The following ITGA4 variants were observed in gnomAD, a reference collection of about 807,000 sequenced individuals.
ITGA4 encodes the protein integrin subunit alpha 4.
ITGA4 carries 63 observed loss-of-function variants against 133.6 expected under a neutral mutation model. The ratio of observed to expected loss-of-function variants is 0.47; its 90% CI spans 0.38 to 0.58. The LOEUF (loss-of-function observed/expected upper bound fraction) is 0.58, where lower values mean the gene tolerates loss of function less well. Among genes scored for constraint, ITGA4 ranks in the 20% least tolerant of loss-of-function variants. The pLI is 0.00. For missense variants in ITGA4, 1,076 were observed against 1,252.7 expected, an observed-to-expected ratio of 0.86 and a Z score of 2.13; for synonymous variants, 483 against 438.0, an observed-to-expected ratio of 1.10 and a Z score of -1.28.
chr2:181,457,689 G>T lies in ITGA4; in HGVS notation c.35G>T (p.Arg12Leu). The change falls in exon 1 of 28, where the codon CGA becomes CTA. Residue 12 changes from arginine to leucine, a missense_variant. This residue lies in a region of ITGA4 where 82 missense variants were observed against 68.3 expected (regional missense o/e 1.20). Transcript: ENST00000397033. Reference protein sequence around the residue: ...AWEARREPGPRRAAVRETVML... With the variant: ...AWEARREPGPLRAAVRETVML... ...GAAGCGAGGCGCGAACCCGGCCCCC[G>T]AAGGGCCGCCGTCCGGGAGACGGTG... The T allele has an allele frequency of 6.2e-7, 1 of 1,611,248 alleles. No individual in the cohort carries two copies. Among genetic ancestry groups the T allele is most frequent in the East Asian group, 2.2e-5 (1 of 44,754 alleles).
At chr2:181,503,425 G>A (rs182146255) in intron 15 of ITGA4, among the ~76,000 whole-genome samples, 36 of 151,974 alleles carry the variant, frequency 2.4e-4, no homozygotes, top group African/African-American at 8.4e-4. Context: ...TTTTTCTGAG[G>A]CTATGTTTTC....
intron 2 of ITGA4, among the ~76,000 whole-genome samples, chr2:181,471,985 G>A (rs1028330226): frequency 2.0e-5 from 3 of 150,990 alleles, no homozygotes; most frequent in African/African-American, 7.3e-5. Flanking sequence ...TAATGATTTA[G>A]TGGCCCTTTT....
rs1465430865 is a variant in ITGA4 at position 181,474,772 on chromosome 2, AC to A, written c.320-186del. Among the ~76,000 whole-genome samples the A allele has an allele frequency of 2.6e-5, 4 of 152,218 alleles. No individual in the cohort carries two copies. In the East Asian group the frequency reaches 7.7e-4, roughly 29 times the overall value. Reference sequence around the variant, plus strand: ...CTACCAGTCAGAGGTCATTTCTACAACCAAAGTCACCTTGTATTAGAGAATA... The same window carrying A: ...CTACCAGTCAGAGGTCATTTCTACAACAAAGTCACCTTGTATTAGAGAATA... On this transcript the variant is annotated intron_variant, in intron 2 of 27. Coordinates refer to ENST00000397033, the MANE Select transcript of ITGA4 (RefSeq NM_000885.6).
At chr2:181,519,596 ACT>A (rs927758437) in intron 17 of ITGA4, among the ~76,000 whole-genome samples, 1 of 152,098 alleles carries the variant, frequency 6.6e-6, no homozygotes, top group South Asian at 2.1e-4. Flanking sequence ...CATAAGAATA[ACT>A]CTCAAAAACC....
rs1685908959 is a variant in ITGA4, at chr2:181,486,060, T to C, written c.1153+68T>C. ...AATGGTTTATGGAAGAAAATATGAT[T>C]AAAGTTTTGTATTGTTTTCCTTCCT... On this transcript the variant is annotated intron_variant, in intron 10 of 27. Transcript: ENST00000397033. 9.9e-6 allele frequency: 15 copies of C among 1,515,276 alleles called. No individual in the cohort carries two copies. In the South Asian group the frequency reaches 1.5e-4, roughly 15 times the overall value. The allele number at this position is 1,515,276 out of a possible 1,614,324, so 93.9% of individuals were successfully genotyped here. A position where few individuals can be genotyped will look rare whatever the true frequency, so the allele number is the denominator to read the frequency against.
At chr2:181,505,263 T>C (rs1686370504) in intron 15 of ITGA4, among the ~76,000 whole-genome samples, 2 of 152,096 alleles carry the variant, frequency 1.3e-5, no homozygotes, top group African/African-American at 4.8e-5. Flanking sequence ...ATAGATATCT[T>C]CAAATATTTA....
intron 4 of ITGA4, among the ~76,000 whole-genome samples, chr2:181,478,030 G>A (rs1414540593): frequency 6.6e-6 from 1 of 152,084 alleles, no homozygotes; most frequent in Non-Finnish European, 1.5e-5. Flanking sequence ...ATACAATGGA[G>A]TATTATTCAG....
At chr2:181,527,915 C>T (rs1336891037) in intron 22 of ITGA4, among the ~76,000 whole-genome samples, 6 of 152,136 alleles carry the variant, frequency 3.9e-5, no homozygotes, top group Non-Finnish European at 8.8e-5. Flanking sequence ...AGAGTACTAT[C>T]GTAATTCAGA....
chr2:181,509,640 G>T lies in ITGA4; in HGVS notation c.1696-18G>T. The T allele has an allele frequency of 1.9e-6, 3 of 1,547,736 alleles. No homozygotes were observed. Among genetic ancestry groups the T allele is most frequent in the Admixed American group, 2.1e-5 (1 of 47,408 alleles). On this transcript the variant is annotated intron_variant, in intron 15 of 27. Coordinates refer to ENST00000397033, the MANE Select transcript of ITGA4 (RefSeq NM_000885.6). ...CGTGCTTGTTTTTGTTAATTCATAT[G>T]GTGGTTATTTTCCTTAGAAAGATGT... is the stretch of plus-strand genomic sequence containing the variant.
At chr2:181,512,666 T>G (rs1328011695) in intron 17 of ITGA4, among the ~76,000 whole-genome samples, 2 of 151,934 alleles carry the variant, frequency 1.3e-5, no homozygotes, top group Non-Finnish European at 2.9e-5. Flanking sequence ...ATTGTAAAAT[T>G]TATAAAAAGA....
At position 181,486,057 on chromosome 2, in the gene ITGA4, G is replaced by T. The variant is rs1467617561; in HGVS notation, c.1153+65G>T. The T allele has an allele frequency of 1.1e-5, 16 of 1,519,820 alleles. No homozygotes were observed. The East Asian group carries it at 2.9e-4, about 27-fold the overall frequency. 94.1% of individuals were successfully genotyped at this position (1,519,820 alleles called of 1,614,324 possible). On this transcript the variant is annotated intron_variant, in intron 10 of 27. Transcript: ENST00000397033. ...TAAAATGGTTTATGGAAGAAAATAT[G>T]ATTAAAGTTTTGTATTGTTTTCCTT...
chr2:181,475,722 C>A, intron 4 of ITGA4: 1 of 1,457,742 alleles, frequency 6.9e-7, no homozygotes, highest in Non-Finnish European at 9.2e-7. Flanking sequence ...CATTCGCACT[C>A]ACTATCTCTT....
In ITGA4 at chr2:181,536,479, TTATGTAC is replaced by T. The variant is rs1687093109; in HGVS notation, c.*959_*965del. On this transcript the variant is annotated 3_prime_UTR_variant, in exon 28 of 28. Coordinates refer to ENST00000397033, the MANE Select transcript of ITGA4 (RefSeq NM_000885.6). ...CTAGGGGGCCTATACTTCATATGTA[TTATGTAC>T]TATGTAAAATATTGACTATCACACA... is the stretch of plus-strand genomic sequence containing the variant. Among the ~76,000 whole-genome samples, 1 of 152,082 alleles carries T rather than the reference TTATGTAC, an allele frequency of 6.6e-6. No individual in the cohort carries two copies. Among genetic ancestry groups the T allele is most frequent in the Admixed American group, 6.6e-5 (1 of 15,252 alleles).
At chr2:181,519,837 A>T (rs754130482) in intron 17 of ITGA4, among the ~76,000 whole-genome samples, 14 of 151,940 alleles carry the variant, frequency 9.2e-5, no homozygotes, top group Non-Finnish European at 1.3e-4. Flanking sequence ...ATTTATGCTG[A>T]TACTTTCATA....
At chr2:181,485,762 T>C (rs17290693) in intron 9 of ITGA4, 119 bp from the exon 10 acceptor site, 130,815 of 751,350 alleles carry the variant, frequency 0.17, 12,327 homozygotes, top group Middle Eastern at 0.23. Context: ...AAGCTCAGTC[T>C]GTAGTTTGTC....
chr2:181,522,289 C>T lies in ITGA4; in HGVS notation c.2021C>T (p.Thr674Ile), dbSNP rs201807012. The change falls in exon 18 of 28, where the codon ACT becomes ATT. Residue 674 changes from threonine (T) to isoleucine (I), a missense_variant. By Grantham distance (89) the Thr-to-Ile change is moderately conservative. Coordinates refer to ENST00000397033, the MANE Select transcript of ITGA4 (RefSeq NM_000885.6). ...GCTGGAGATGATGCATATGAAACGA[C>T]TCTACATGTCAAACTACCCGTGGGT... Reference protein sequence around the residue: ...FNAGDDAYETTLHVKLPVGLY... With the variant: ...FNAGDDAYETILHVKLPVGLY... 2 of 1,609,480 alleles carry T rather than the reference C, an allele frequency of 1.2e-6. No individual in the cohort carries two copies. Among genetic ancestry groups the T allele is most frequent in the Non-Finnish European group, 1.7e-6 (2 of 1,176,790 alleles).
chr2:181,511,960 T>C (rs1179812957), intron 17 of ITGA4, among the ~76,000 whole-genome samples, 185 bp downstream of exon 17: 1 of 152,084 alleles, frequency 6.6e-6, no homozygotes, highest in East Asian at 1.9e-4. Flanking sequence ...CAGACTGATA[T>C]ATAATCCAAG....
At chr2:181,480,452 C>T (rs1248216703) in intron 6 of ITGA4, among the ~76,000 whole-genome samples, 186 bp downstream of exon 6, 1 of 152,068 alleles carries the variant, frequency 6.6e-6, no homozygotes, top group African/African-American at 2.4e-5. Flanking sequence ...CAGTATTTTA[C>T]ATTTACACAT....
At position 181,523,273 on chromosome 2, in the gene ITGA4, TATATC is replaced by T. The variant is rs1686759007; in HGVS notation, c.2074-159_2074-155del. 5 of 543,242 alleles carry T rather than the reference TATATC, an allele frequency of 9.2e-6. No individual in the cohort carries two copies. Among genetic ancestry groups the T allele is most frequent in the Non-Finnish European group, 1.7e-5 (5 of 302,404 alleles). The allele number at this position is 543,242 out of a possible 1,614,324, so 33.7% of individuals were successfully genotyped here. ...ATATATACACACATGCACACATATT[TATATC>T]ATATGTCTATTTATCTCAAACATAT... On this transcript the variant is annotated intron_variant, in intron 18 of 27. Coordinates refer to ENST00000397033, the MANE Select transcript of ITGA4 (RefSeq NM_000885.6). The surrounding 1 kb of genome is among the most constrained non-coding windows in gnomAD (Gnocchi z 4.2).
Sources: gnomAD v4.1 joint callset for allele counts (sites outside exome capture counted in the v4.1 genomes callset) on GRCh38, gnomAD v4.1.1 for gene constraint, gnomAD v4.1.1 regional missense constraint, Gnocchi (gnomAD v3.1) non-coding constraint, MANE v1.5 for transcripts, NCBI Gene and HGNC (gene_info 2026-07-23, HGNC 2026-07-21) for gene names.